The following ATP6V1E2 variants were observed in gnomAD, a reference collection of about 807,000 sequenced individuals.
ATP6V1E2 encodes the protein V-type proton ATPase subunit E 2.
For missense variants in ATP6V1E2, 308 were observed against 273.3 expected, an observed-to-expected ratio of 1.13 and a Z score of -0.90; for synonymous variants, 121 against 104.2, an observed-to-expected ratio of 1.16 and a Z score of -0.98.
intron 4 of ATP6V1E2, among the ~76,000 whole-genome samples, chr2:46,514,904 T>C (rs1687646099): frequency 6.6e-6 from 1 of 152,010 alleles, no homozygotes; most frequent in Non-Finnish European, 1.5e-5. Flanking sequence ...AGCCATCACA[T>C]ATAAGGGAGC....
intron 4 of ATP6V1E2, among the ~76,000 whole-genome samples, chr2:46,525,461 CAA>C (rs57428249): frequency 1.8e-5 from 1 of 56,724 alleles, no homozygotes. Context: ...GACTCCGTCT[CAA>C]AAAAAAAAAA....
At chr2:46,537,471 G>C (rs1420498494) in intron 2 of ATP6V1E2, 1 of 152,056 alleles carries the variant, frequency 6.6e-6, no homozygotes, top group Admixed American at 6.6e-5. Flanking sequence ...TTTCCTTCTG[G>C]AAAACATGGT....
chr2:46,522,127 A>T (rs1460117346), intron 4 of ATP6V1E2, among the ~76,000 whole-genome samples: 5 of 148,620 alleles, frequency 3.4e-5, no homozygotes, highest in African/African-American at 9.9e-5. Context: ...ATCTCTACAA[A>T]TTTTTTTTTT....
intron 4 of ATP6V1E2, among the ~76,000 whole-genome samples, chr2:46,526,012 G>T (rs73927878): frequency 6.6e-6 from 1 of 152,084 alleles, no homozygotes; most frequent in African/African-American, 2.4e-5. Context: ...ATTTTTTAGA[G>T]AAGTTGGAAA....
intron 4 of ATP6V1E2, among the ~76,000 whole-genome samples, chr2:46,528,612 T>C (rs1667039895): frequency 6.6e-6 from 1 of 152,216 alleles, no homozygotes; most frequent in Non-Finnish European, 1.5e-5. Context: ...CCCTCTGCCT[T>C]GGAGGCTCCA....
At chr2:46,517,916 A>G (rs1240403796) in intron 4 of ATP6V1E2, among the ~76,000 whole-genome samples, 1 of 152,244 alleles carries the variant, frequency 6.6e-6, no homozygotes, top group Non-Finnish European at 1.5e-5. Flanking sequence ...GTGGGAATGT[A>G]AAATGATGCA....
intron 4 of ATP6V1E2, among the ~76,000 whole-genome samples, chr2:46,525,000 T>G (rs1035153977): frequency 6.6e-6 from 1 of 151,560 alleles, no homozygotes; most frequent in African/African-American, 2.4e-5. Flanking sequence ...GGGGCAGGAG[T>G]CTTGGACTAT....
In ATP6V1E2 at chr2:46,512,427, G is replaced by A. The variant is rs1687505711; in HGVS notation, c.285C>T (p.Leu95=). The A allele has an allele frequency of 6.2e-7, 1 of 1,614,128 alleles. No individual in the cohort carries two copies. ...RARNDLISDL[L]SEAKLRLSRI... is the part of the protein sequence containing the mutation. ...TGCTGAGTCTCAGCTTCGCCTCACT[G>A]AGCAAATCTGAGATGAGGTCATTTC... Residue 95 remains leucine (L), a synonymous_variant, in exon 5 of 5, where the codon CTC becomes CTT. Coordinates refer to ENST00000522587, the MANE Select transcript of ATP6V1E2 (RefSeq NM_001318063.2).
At chr2:46,534,139 T>A (rs1033276699) in intron 4 of ATP6V1E2, among the ~76,000 whole-genome samples, 1 of 152,246 alleles carries the variant, frequency 6.6e-6, no homozygotes, top group African/African-American at 2.4e-5. Flanking sequence ...GACTTGTTTT[T>A]GGCCTTCAAA....
chr2:46,524,839 A>G (rs1157981006), intron 4 of ATP6V1E2, among the ~76,000 whole-genome samples: 1 of 152,188 alleles, frequency 6.6e-6, no homozygotes, highest in Admixed American at 6.5e-5. Flanking sequence ...GCAGAGGACA[A>G]TGTCTAGAAA....
At chr2:46,518,988 C>G (rs943684260) in intron 4 of ATP6V1E2, 14 of 152,260 alleles carry the variant, frequency 9.2e-5, no homozygotes, top group African/African-American at 3.4e-4. Flanking sequence ...CGTTGGGAGT[C>G]TGCACACAGA....
intron 4 of ATP6V1E2, among the ~76,000 whole-genome samples, chr2:46,523,129 A>C (rs950016106): frequency 4.6e-5 from 7 of 151,518 alleles, no homozygotes; most frequent in African/African-American, 1.7e-4. Flanking sequence ...TAAATTCTGG[A>C]TATTAGACCT....
chr2:46,529,771 G>A (rs368108108), intron 4 of ATP6V1E2, among the ~76,000 whole-genome samples: 10 of 151,234 alleles, frequency 6.6e-5, no homozygotes, highest in Non-Finnish European at 1.3e-4. Context: ...TGATGATGAT[G>A]ATGATAATAA....
At chr2:46,518,983 G>A (rs1210822115) in intron 4 of ATP6V1E2, 1 of 152,240 alleles carries the variant, frequency 6.6e-6, no homozygotes, top group Non-Finnish European at 1.5e-5. Flanking sequence ...TCTGGCGTTG[G>A]GAGTCTGCAC....
intron 4 of ATP6V1E2, among the ~76,000 whole-genome samples, chr2:46,528,340 G>A (rs774890291): frequency 6.6e-6 from 1 of 152,236 alleles, no homozygotes; most frequent in Non-Finnish European, 1.5e-5. Context: ...GATCTTGGAA[G>A]GTCTCATGTA....
At chr2:46,522,035 C>A (rs930006472) in intron 4 of ATP6V1E2, among the ~76,000 whole-genome samples, 23 of 152,236 alleles carry the variant, frequency 1.5e-4, no homozygotes, top group African/African-American at 5.5e-4. Flanking sequence ...TGGCTTATGC[C>A]TGTAATCCCA....
intron 4 of ATP6V1E2, among the ~76,000 whole-genome samples, chr2:46,518,490 A>AACACACACACAC (rs10546147): frequency 0.016 from 2,318 of 140,924 alleles, 42 homozygotes; most frequent in Admixed American, 0.034. Flanking sequence ...ACACACACAC[A>AACACACACACAC]ACACACACAC....
rs367856598 is a variant in ATP6V1E2, at chr2:46,512,655, A to G, written c.57T>C (p.Ile19=). ...CTGCTTTCTCATTGGCTTCCTGCTC[A>G]ATGAAAGCCATCATGTGCTTAATCT... The part of the protein sequence containing the change: ...KKQIKHMMAF[I]EQEANEKAEE... Residue 19 remains isoleucine, a synonymous_variant, in exon 5 of 5, where the codon ATT becomes ATC. Coordinates refer to ENST00000522587, the MANE Select transcript of ATP6V1E2 (RefSeq NM_001318063.2). 5.0e-6 allele frequency: 8 copies of G among 1,614,052 alleles called. No homozygotes were observed. The highest frequency in any genetic ancestry group is 5.9e-6 in the Non-Finnish European group (7 of 1,180,050).
chr2:46,526,782 T>TA (rs1666942987), intron 4 of ATP6V1E2, among the ~76,000 whole-genome samples: 1 of 152,344 alleles, frequency 6.6e-6, no homozygotes, highest in Non-Finnish European at 1.5e-5. Flanking sequence ...CATCCATTCA[T>TA]AGAGACTTGG....
Sources: allele counts gnomAD v4.1 joint callset (sites outside exome capture counted in the v4.1 genomes callset), GRCh38; gene constraint gnomAD v4.1.1; transcripts MANE v1.5; gene names NCBI Gene and HGNC (gene_info 2026-07-23, HGNC 2026-07-21).